CDC37: variants seen among roughly 807,000 people sequenced by gnomAD.
CDC37 encodes cell division cycle 37, HSP90 cochaperone, also known as hsp90 co-chaperone Cdc37.
Under a neutral mutation model 46.9 loss-of-function variants are expected in CDC37, and 9 were observed. The observed-to-expected ratio is 0.19, with a 90% CI of 0.12 to 0.33. The LOEUF (loss-of-function observed/expected upper bound fraction) is 0.33. CDC37 is among the 10% of genes least tolerant of loss of function. The probability of loss-of-function intolerance (pLI) is 1.00; values close to 1 mark genes in which losing one functional copy is unlikely to be tolerated. For synonymous variants in CDC37, 193 were observed against 191.0 expected, an observed-to-expected ratio of 1.01 and a Z score of -0.09; for missense variants, 388 against 514.6, an observed-to-expected ratio of 0.75 and a Z score of 2.38.
At chr19:10,392,476 G>T (rs2042462612) in intron 7 of CDC37, among the ~76,000 whole-genome samples, 1 of 152,146 alleles carries the variant, frequency 6.6e-6, no homozygotes, top group Admixed American at 6.5e-5. Flanking sequence ...GAGCCAAGTG[G>T]TAGGAATAGG....
chr19:10,399,463 GAAAAAAAAA>G (rs55717539), intron 1 of CDC37, among the ~76,000 whole-genome samples: 1 of 38,156 alleles, frequency 2.6e-5, no homozygotes, highest in African/African-American at 1.2e-4. Context: ...GACCCTGTCT[GAAAAAAAAA>G]AAAAAAAAAA....
In CDC37 at chr19:10,396,165, C is replaced by T; in HGVS notation, c.141G>A (p.Lys47=). The change falls in exon 2 of 8, where the codon AAG becomes AAA. Residue 47 remains lysine (K), a synonymous_variant. Coordinates refer to ENST00000222005, the MANE Select transcript of CDC37 (RefSeq NM_007065.4). This position sits in a 1 kb window ranked among gnomAD's most constrained non-coding sequence, Gnocchi z 5.9. The part of the protein sequence containing the change: ...VERMEQFQKE[K]EELDRGCREC... ...CGCGGCAGCCCCTGTCCAGTTCCTC[C>T]TTCTCCTTCTGGAACTGCTCCATGC... is the stretch of plus-strand genomic sequence containing the variant. 1.2e-6 allele frequency: 2 copies of T among 1,614,120 alleles called. No homozygotes were observed. The highest frequency in any genetic ancestry group is 1.7e-6 in the Non-Finnish European group (2 of 1,179,998).
rs1001388512 is a variant in CDC37 at position 10,396,864 on chromosome 19, T to G, written c.103-661A>C. 2.6e-5 allele frequency among the ~76,000 whole-genome samples: 4 copies of G among 152,028 alleles called. No homozygotes were observed. Among genetic ancestry groups the G allele is most frequent in the South Asian group, 2.1e-4 (1 of 4,824 alleles). ...GGACTACAGGCGGGAGCTACTGCAC[T>G]CTGCGGAGCCCACTTTTTTCTTGAA... On this transcript the variant is annotated intron_variant, in intron 1 of 7. Coordinates refer to ENST00000222005, the MANE Select transcript of CDC37 (RefSeq NM_007065.4). The surrounding 1 kb of genome is among the most constrained non-coding windows in gnomAD (Gnocchi z 5.9).
chr19:10,393,565 T>A lies in CDC37; in HGVS notation c.727-124A>T. On this transcript the variant is annotated intron_variant, in intron 5 of 7. Coordinates refer to ENST00000222005, the MANE Select transcript of CDC37 (RefSeq NM_007065.4). The surrounding 1 kb of genome is among the most constrained non-coding windows in gnomAD (Gnocchi z 4.9). Reference sequence around the variant, plus strand: ...CGGTTCCCCAAGTCTATTCCTGACCTACATGAAGGGCTCCCCAAGGCCTGG... The same window carrying A: ...CGGTTCCCCAAGTCTATTCCTGACCAACATGAAGGGCTCCCCAAGGCCTGG... The A allele has an allele frequency of 9.9e-7, 1 of 1,012,584 alleles. No individual in the cohort carries two copies. The highest frequency in any genetic ancestry group is 1.4e-6 in the Non-Finnish European group (1 of 712,092). The allele number at this position is 1,012,584 out of a possible 1,614,324, so 62.7% of individuals were successfully genotyped here.
In CDC37 at chr19:10,391,617, T is replaced by C; in HGVS notation, c.1071A>G (p.Ala357=). 1 of 1,614,198 alleles carries C rather than the reference T, an allele frequency of 6.2e-7. No homozygotes were observed. The highest frequency in any genetic ancestry group is 8.5e-7 in the Non-Finnish European group (1 of 1,180,018). The stretch of plus-strand genomic sequence containing the variant: ...CTTCCAGTAATGGGTCCCCAGGACC[T>C]GCCTCCTCTCCCTCCTTGGCCTCGC... ...KASEAKEGEE[A]GPGDPLLEAV... is the part of the protein sequence containing the mutation. Residue 357 remains alanine, a synonymous_variant, in exon 8 of 8, where the codon GCA becomes GCG. Coordinates refer to ENST00000222005, the MANE Select transcript of CDC37 (RefSeq NM_007065.4).
chr19:10,402,919 G>A (rs762564970), intron 1 of CDC37, among the ~76,000 whole-genome samples: 16 of 151,932 alleles, frequency 1.1e-4, no homozygotes, highest in Non-Finnish European at 2.4e-4. Context: ...TAGATCCCGG[G>A]ACAGACCAAA....
At position 10,398,308 on chromosome 19, in the gene CDC37, G is replaced by A. The variant is rs144796798; in HGVS notation, c.103-2105C>T. Reference sequence around the variant, plus strand: ...CTTGCCTCTTGGCCTCTGCATGTGCGGTTCCCTTACCTGCTTTTGCACCCA... The same window carrying A: ...CTTGCCTCTTGGCCTCTGCATGTGCAGTTCCCTTACCTGCTTTTGCACCCA... On this transcript the variant is annotated intron_variant, in intron 1 of 7. Coordinates refer to ENST00000222005, the MANE Select transcript of CDC37 (RefSeq NM_007065.4). This position sits in a 1 kb window ranked among gnomAD's most constrained non-coding sequence, Gnocchi z 4.2. Among the ~76,000 whole-genome samples, 295 of 152,314 alleles carry A rather than the reference G, an allele frequency of 1.9e-3. 1 individual carries two copies. The highest frequency in any genetic ancestry group is 6.7e-3 in the African/African-American group (279 of 41,558).
In CDC37 at chr19:10,393,282, C is replaced by G. The variant is rs750170274; in HGVS notation, c.886G>C (p.Glu296Gln). Residue 296 changes from glutamate (E) to glutamine (Q), a missense_variant, in exon 6 of 8, where the codon GAG (glutamate) becomes CAG (glutamine). Glu to Gln is a conservative substitution (Grantham distance 29). Transcript: ENST00000222005. The surrounding 1 kb of genome is among the most constrained non-coding windows in gnomAD (Gnocchi z 4.9). Reference sequence around the variant, plus strand: ...ACCTCAGGGAGGGACTCGTAGACCTCGACGGGGTCCAGGCCGCCGGGGCCG... The same window carrying G: ...ACCTCAGGGAGGGACTCGTAGACCTGGACGGGGTCCAGGCCGCCGGGGCCG... ...RLGPGGLDPV[E>Q]VYESLPEELQ... The G allele has an allele frequency of 3.1e-6, 5 of 1,613,100 alleles. No homozygotes were observed. Among genetic ancestry groups the G allele is most frequent in the South Asian group, 1.1e-5 (1 of 90,996 alleles).
intron 1 of CDC37, among the ~76,000 whole-genome samples, chr19:10,399,716 G>A (rs1215857958): frequency 2.0e-5 from 3 of 151,196 alleles, no homozygotes; most frequent in East Asian, 2.0e-4. Flanking sequence ...CAGATCATGA[G>A]GTCAGGAGTT....
In CDC37 at chr19:10,391,270, A is replaced by G. The variant is rs888650975; in HGVS notation, c.*281T>C. The G allele has an allele frequency of 6.5e-6, 3 of 462,996 alleles. No individual in the cohort carries two copies. The highest frequency in any genetic ancestry group is 2.0e-5 in the African/African-American group (1 of 50,366). 28.7% of individuals were successfully genotyped at this position (462,996 alleles called of 1,614,324 possible). A position where few individuals can be genotyped will look rare whatever the true frequency, so the allele number is the denominator to read the frequency against. On this transcript the variant is annotated 3_prime_UTR_variant, in exon 8 of 8. Coordinates refer to ENST00000222005, the MANE Select transcript of CDC37 (RefSeq NM_007065.4). ...GGGACCCTCCCCAACTACCTGGTAG[A>G]CCAGCCTGGTGACCTCTGCCCTTCC...
At chr19:10,392,920 T>C (rs2042465393) in intron 7 of CDC37, 166 bp downstream of exon 7, 1 of 631,066 alleles carries the variant, frequency 1.6e-6, no homozygotes, top group Middle Eastern at 4.3e-4. Context: ...TGGGATACAG[T>C]AGGTGCTCAA....
At position 10,393,334 on chromosome 19, in the gene CDC37, G is replaced by GT; in HGVS notation, c.833dup (p.Tyr278Ter). 6.2e-7 allele frequency: 1 copy of GT among 1,613,922 alleles called. No individual in the cohort carries two copies. Among genetic ancestry groups the GT allele is most frequent in the Non-Finnish European group, 8.5e-7 (1 of 1,179,946 alleles). ...KLRIEKAMKE[Y>*]EEEERKKRLG... ...GCCGCTTCTTGCGCTCCTCCTCCTC[G>GT]TACTCCTTCATGGCCTTCTCGATGC... The change falls in exon 6 of 8, where the codon TAC becomes TAAC. Residue 278 changes from tyrosine (Y) to a stop codon, truncating the protein, a stop_gained and frameshift_variant. Coordinates refer to ENST00000222005, the MANE Select transcript of CDC37 (RefSeq NM_007065.4). LOFTEE classifies it high-confidence loss of function. This position sits in a 1 kb window ranked among gnomAD's most constrained non-coding sequence, Gnocchi z 4.9.
chr19:10,395,130 A>G lies in CDC37; in HGVS notation c.617T>C (p.Met206Thr), dbSNP rs1599380419. The change falls in exon 5 of 8, where the codon ATG becomes ACG. Residue 206 changes from methionine (M) to threonine (T), a missense_variant. Met to Thr is a moderately conservative substitution (Grantham distance 81, BLOSUM62 -1). Around this residue, in one of 2 missense-constraint regions of CDC37, gnomAD observed 374 missense variants for 467.4 expected, o/e 0.80. Coordinates refer to ENST00000222005, the MANE Select transcript of CDC37 (RefSeq NM_007065.4). ...DLEVEEKCAL[M>T]EQVAHQTIVM... is the part of the protein sequence containing the mutation. The stretch of plus-strand genomic sequence containing the variant: ...GATTGTCTGGTGGGCCACCTGCTCC[A>G]TGAGTGCACATTTCTGCCAGGAAGA... 2 of 1,595,026 alleles carry G rather than the reference A, an allele frequency of 1.3e-6. No individual in the cohort carries two copies. Among genetic ancestry groups the G allele is most frequent in the Non-Finnish European group, 1.7e-6 (2 of 1,167,128 alleles).
chr19:10,396,839 G>A lies in CDC37; in HGVS notation c.103-636C>T, dbSNP rs1266815984. 6.6e-6 allele frequency among the ~76,000 whole-genome samples: 1 copy of A among 152,146 alleles called. No individual in the cohort carries two copies. The highest frequency in any genetic ancestry group is 1.5e-5 in the Non-Finnish European group (1 of 68,032). On this transcript the variant is annotated intron_variant, in intron 1 of 7. Transcript: ENST00000222005. The surrounding 1 kb of genome is among the most constrained non-coding windows in gnomAD (Gnocchi z 5.9). ...TCCCTCTCGGCCTCCCAAAGTGCTG[G>A]GACTACAGGCGGGAGCTACTGCACT... is the stretch of plus-strand genomic sequence containing the variant.
rs1377586089 is a variant in CDC37, at chr19:10,398,124, G to T, written c.103-1921C>A. Among the ~76,000 whole-genome samples, 1 of 152,112 alleles carries T rather than the reference G, an allele frequency of 6.6e-6. No homozygotes were observed. Among genetic ancestry groups the T allele is most frequent in the Non-Finnish European group, 1.5e-5 (1 of 68,028 alleles). On this transcript the variant is annotated intron_variant, in intron 1 of 7. Transcript: ENST00000222005. This position sits in a 1 kb window ranked among gnomAD's most constrained non-coding sequence, Gnocchi z 4.2. Reference sequence around the variant, plus strand: ...CCAATCCAGGCACAGCTGCCACCAGGGAGGCCTGTGAAGCCCATGCATTTG... The same window carrying T: ...CCAATCCAGGCACAGCTGCCACCAGTGAGGCCTGTGAAGCCCATGCATTTG...
chr19:10,393,056 G>C lies in CDC37; in HGVS notation c.981+30C>G. On this transcript the variant is annotated intron_variant, in intron 7 of 7. Transcript: ENST00000222005. This position sits in a 1 kb window ranked among gnomAD's most constrained non-coding sequence, Gnocchi z 4.9. ...GGCTGGGGGAGACACACGGCCCGCC[G>C]GGAAGGCATGGGGCGCGGGGGTTAC... 1 of 1,601,900 alleles carries C rather than the reference G, an allele frequency of 6.2e-7. No individual in the cohort carries two copies. The highest frequency in any genetic ancestry group is 8.6e-7 in the Non-Finnish European group (1 of 1,168,940).
rs979375155 is a variant in CDC37 at position 10,394,520 on chromosome 19, T to A, written c.726+501A>T. 3.9e-5 allele frequency among the ~76,000 whole-genome samples: 6 copies of A among 151,986 alleles called. No homozygotes were observed. In the East Asian group the frequency reaches 7.7e-4, roughly 20 times the overall value. ...AAGCCTGGCCTGACCTCCACTTTTA[T>A]TTAATTAATTAATTTATTTATTTAT... On this transcript the variant is annotated intron_variant, in intron 5 of 7. Coordinates refer to ENST00000222005, the MANE Select transcript of CDC37 (RefSeq NM_007065.4).
intron 1 of CDC37, chr19:10,400,516 T>C (rs2042513248): frequency 6.6e-6 from 1 of 152,174 alleles, no homozygotes; most frequent in African/African-American, 2.4e-5. Context: ...CTGGGCAACA[T>C]GGTGAAACCC....
At chr19:10,391,767 G>C in intron 7 of CDC37, 61 bp from the exon 8 acceptor site, 2 of 1,562,258 alleles carry the variant, frequency 1.3e-6, no homozygotes, top group Non-Finnish European at 1.7e-6. Flanking sequence ...CGTTGTCCCC[G>C]TTGTCCCTTG....
Sources: gnomAD v4.1 joint callset for allele counts (sites outside exome capture counted in the v4.1 genomes callset) on GRCh38, gnomAD v4.1.1 for gene constraint, gnomAD v4.1.1 regional missense constraint, Gnocchi (gnomAD v3.1) non-coding constraint, MANE v1.5 for transcripts, NCBI Gene and HGNC (gene_info 2026-07-23, HGNC 2026-07-21) for gene names.